SLC25A36: variants seen among roughly 807,000 people sequenced by gnomAD.
The protein encoded by SLC25A36 is solute carrier family 25 member 36, also known as epididymis secretory sperm binding protein.
SLC25A36 carries 24 observed loss-of-function variants against 35.3 expected under a neutral mutation model. The observed-to-expected ratio is 0.68, with a 90% confidence interval of 0.49 to 0.96. The LOEUF (loss-of-function observed/expected upper bound fraction) is 0.96. Ranked by LOEUF, SLC25A36 falls within the 40% of genes least tolerant of loss-of-function variation. SLC25A36 has a pLI of 0.00. For synonymous variants in SLC25A36, 141 were observed against 132.2 expected, an observed-to-expected ratio of 1.07 and a Z score of -0.46; for missense variants, 294 against 381.1, an observed-to-expected ratio of 0.77 and a Z score of 1.90.
At chr3:140,967,018 A>G (rs1489127456) in intron 4 of SLC25A36, 3 of 456,214 alleles carry the variant, frequency 6.6e-6, no homozygotes, top group Non-Finnish European at 1.3e-5. Flanking sequence ...CTGTAGAAAT[A>G]TGGACTAACT....
intron 4 of SLC25A36, chr3:140,968,694 T>A (rs1250732256): frequency 4.1e-6 from 4 of 983,962 alleles, no homozygotes; most frequent in Non-Finnish European, 4.8e-6. Flanking sequence ...CTCAAATTCT[T>A]TTGTGACTTG....
chr3:140,977,770 A>C lies in SLC25A36; in HGVS notation c.*1317A>C, dbSNP rs1935085913. The C allele has an allele frequency of 6.6e-6, 1 of 152,098 alleles. No individual in the cohort carries two copies. Among genetic ancestry groups the C allele is most frequent in the Non-Finnish European group, 1.5e-5 (1 of 68,012 alleles). 9.4% of individuals were successfully genotyped at this position (152,098 alleles called of 1,614,324 possible). A position where few individuals can be genotyped will look rare whatever the true frequency, so the allele number is the denominator to read the frequency against. Reference sequence around the variant, plus strand: ...GCCTATGCCATACTGGTGTATAAAAACTGCCGCAATTGGACGCCGGTGTGG... The same window carrying C: ...GCCTATGCCATACTGGTGTATAAAACCTGCCGCAATTGGACGCCGGTGTGG... On this transcript the variant is annotated 3_prime_UTR_variant, in exon 7 of 7. Transcript: ENST00000324194.
intron 1 of SLC25A36, among the ~76,000 whole-genome samples, chr3:140,948,586 A>T (rs762286047): frequency 6.6e-6 from 1 of 152,222 alleles, no homozygotes; most frequent in Non-Finnish European, 1.5e-5. Flanking sequence ...AAAGCTAAAC[A>T]CTGCTTAAAG....
intron 1 of SLC25A36, among the ~76,000 whole-genome samples, chr3:140,943,804 G>T (rs1482320621): frequency 1.3e-5 from 2 of 152,150 alleles, no homozygotes; most frequent in Non-Finnish European, 2.9e-5. Context: ...ACTTATATTT[G>T]AAATAAATGT....
In SLC25A36 at chr3:140,950,040, G is replaced by C. The variant is rs116521473; in HGVS notation, c.42-6487G>C. Among the ~76,000 whole-genome samples, 1,225 of 151,986 alleles carry C rather than the reference G, an allele frequency of 8.1e-3. 14 individuals are homozygous for C. The highest frequency in any genetic ancestry group is 0.02 in the African/African-American group (834 of 41,430). ...TATTATACATCATCTTTCTGTTCTG[G>C]TAGATGAGGATTTAGTTATATTGTA... is the stretch of plus-strand genomic sequence containing the variant. On this transcript the variant is annotated intron_variant, in intron 1 of 6. Transcript: ENST00000324194.
chr3:140,970,715 G>T, intron 4 of SLC25A36: 1 of 370,704 alleles, frequency 2.7e-6, no homozygotes, highest in East Asian at 4.7e-5. Context: ...GCTTTTAAAA[G>T]AATCTGTTAG....
At chr3:140,974,735 G>C (rs1325106805) in intron 6 of SLC25A36, among the ~76,000 whole-genome samples, 1 of 151,938 alleles carries the variant, frequency 6.6e-6, no homozygotes, top group South Asian at 2.1e-4. Context: ...TAATGTAAGC[G>C]CTTCATTTTT....
chr3:140,951,797 A>AT (rs766809793), intron 1 of SLC25A36, among the ~76,000 whole-genome samples: 3 of 151,244 alleles, frequency 2.0e-5, no homozygotes, highest in Admixed American at 2.0e-4. Flanking sequence ...GCCTGGCCTT[A>AT]TTTTTTTGTT....
In SLC25A36 at chr3:140,975,097, C is replaced by CTTTTTTTTTTTTTTTTTTTTT. The variant is rs10662120; in HGVS notation, c.742+1102_742+1122dup. 6.0e-4 allele frequency among the ~76,000 whole-genome samples: 33 copies of CTTTTTTTTTTTTTTTTTTTTT among 55,220 alleles called. 13 individuals carry two copies. Among genetic ancestry groups the CTTTTTTTTTTTTTTTTTTTTT allele is most frequent in the Non-Finnish European group, 1.0e-3 (29 of 28,238 alleles). The allele number at this position is 55,220 out of a possible 152,430, so 36.2% of individuals were successfully genotyped here. A position where few individuals can be genotyped will look rare whatever the true frequency, so the allele number is the denominator to read the frequency against. On this transcript the variant is annotated intron_variant, in intron 6 of 6. Transcript: ENST00000324194. ...GTACAGTTGATAAACAAGATACATT[C>CTTTTTTTTTTTTTTTTTTTTT]TTTTTTTTTTTTTTTTTTTTTTTTT... is the stretch of plus-strand genomic sequence containing the variant.
chr3:140,946,479 G>C (rs913744566), intron 1 of SLC25A36, among the ~76,000 whole-genome samples: 11 of 152,172 alleles, frequency 7.2e-5, no homozygotes, highest in Non-Finnish European at 1.5e-4. Flanking sequence ...CTATGCGTGG[G>C]ACAGGGGCAG....
chr3:140,963,458 C>T (rs1294932129), intron 4 of SLC25A36: 3 of 362,328 alleles, frequency 8.3e-6, no homozygotes, highest in Non-Finnish European at 4.9e-6. Flanking sequence ...TTTATATTGC[C>T]TTGTGTAGTC....
At chr3:140,968,675 T>A in intron 4 of SLC25A36, 1 of 983,430 alleles carries the variant, frequency 1.0e-6, no homozygotes, top group Non-Finnish European at 1.2e-6. Context: ...ATATGGGTTT[T>A]TTTCCAGCCT....
chr3:140,964,189 C>A (rs1024702941), intron 4 of SLC25A36: 3 of 151,904 alleles, frequency 2.0e-5, no homozygotes, highest in Non-Finnish European at 4.4e-5. Context: ...ATCAATTTGA[C>A]CTATATACTT....
intron 4 of SLC25A36, chr3:140,964,577 G>A (rs1934712937): frequency 6.6e-6 from 1 of 151,746 alleles, no homozygotes; most frequent in Non-Finnish European, 1.5e-5. Flanking sequence ...TTTCCCCTAC[G>A]AATTTGGATG....
rs2107817373 is a variant in SLC25A36, at chr3:140,973,718, ACCG to A, written c.457_459del (p.Arg153del). 1 of 1,455,410 alleles carries A rather than the reference ACCG, an allele frequency of 6.9e-7. No homozygotes were observed. The highest frequency in any genetic ancestry group is 2.2e-5 in the Admixed American group (1 of 45,038). The allele number at this position is 1,455,410 out of a possible 1,614,324, so 90.2% of individuals were successfully genotyped here. Reference sequence around the variant, plus strand: ...AGATGTTTCTTTTTGCTTTTCAGGAACCGCGGGGAAAGGCGAATGGGTGCTTTT... The same window carrying A: ...AGATGTTTCTTTTTGCTTTTCAGGAACGGGGAAAGGCGAATGGGTGCTTTT... On this transcript the variant is annotated inframe_deletion, in exon 6 of 7. Transcript: ENST00000324194.
At chr3:140,962,793 T>C (rs1033280430) in intron 3 of SLC25A36, among the ~76,000 whole-genome samples, 22 of 152,076 alleles carry the variant, frequency 1.4e-4, no homozygotes. Flanking sequence ...AATTAGTTAT[T>C]ATTTTGTTTT....
At chr3:140,968,552 A>G (rs1451644547) in intron 4 of SLC25A36, 1 of 941,198 alleles carries the variant, frequency 1.1e-6, no homozygotes. Flanking sequence ...GCTTTCTGAC[A>G]TTATAGTAAT....
chr3:140,974,595 A>G (rs1418464335), intron 6 of SLC25A36, among the ~76,000 whole-genome samples: 1 of 152,202 alleles, frequency 6.6e-6, no homozygotes, highest in Non-Finnish European at 1.5e-5. Flanking sequence ...TAAATTTTAT[A>G]ATAGCCTATT....
rs755910541 is a variant in SLC25A36, at chr3:140,956,541, T to C, written c.56T>C (p.Val19Ala). 8.2e-6 allele frequency: 13 copies of C among 1,587,588 alleles called. No homozygotes were observed. The highest frequency in any genetic ancestry group is 1.1e-5 in the South Asian group (1 of 87,872). Residue 19 changes from valine (V) to alanine (A), a missense_variant, in exon 2 of 7, where the codon GTG becomes GCG. Physicochemically the swap from Val to Ala is moderately conservative, Grantham distance 64 (BLOSUM62 0). Transcript: ENST00000324194. ...TTTTTTTTTAGATGTGGTGGTACAG[T>C]GGGAGCTATTCTGACATGTCCACTG... ...HLFAGGCGGT[V>A]GAILTCPLEV...
Sources: allele counts gnomAD v4.1 joint callset (sites outside exome capture counted in the v4.1 genomes callset), GRCh38; gene constraint gnomAD v4.1.1; transcripts MANE v1.5; gene names NCBI Gene and HGNC (gene_info 2026-07-23, HGNC 2026-07-21).